PTPRQ: variants seen among roughly 807,000 people sequenced by gnomAD.
The protein encoded by PTPRQ is protein tyrosine phosphatase receptor type Q.
A neutral mutation model predicts 246.0 loss-of-function variants in PTPRQ; 199 were observed. That is an observed-to-expected ratio of 0.81 (90% CI 0.72 to 0.91). The LOEUF is 0.91. PTPRQ is among the 40% of genes least tolerant of loss of function. The pLI is 0.00. For synonymous variants in PTPRQ, 869 were observed against 853.2 expected (o/e 1.02, Z -0.32); for missense variants, 2,624 against 2,528.4 (o/e 1.04, Z -0.81).
chr12:80,519,807 T>TC (rs1008778129), intron 17 of PTPRQ, among the ~76,000 whole-genome samples: 1 of 152,124 alleles, frequency 6.6e-6, no homozygotes, highest in African/African-American at 2.4e-5. Flanking sequence ...CCAGAACCAG[T>TC]CCATGGTCAG....
At chr12:80,586,489 G>A (rs939795834) in intron 25 of PTPRQ, 10 of 151,716 alleles carry the variant, frequency 6.6e-5, no homozygotes, top group Admixed American at 3.3e-4. Context: ...TCAGTGTGGC[G>A]ATTCCTCAGG....
At chr12:80,469,982 G>C in intron 7 of PTPRQ, among the ~76,000 whole-genome samples, 1 of 152,210 alleles carries the variant, frequency 6.6e-6, no homozygotes, top group East Asian at 1.9e-4. Flanking sequence ...AATGGGAGAA[G>C]ATCATTGGAA....
chr12:80,673,357 G>C, intron 43 of PTPRQ, 53 bp downstream of exon 43: 1 of 1,516,994 alleles, frequency 6.6e-7, no homozygotes, highest in Middle Eastern at 1.7e-4. Context: ...TTCCACATGG[G>C]AGATCTTAGT....
At chr12:80,638,264 C>T (rs1244364370) in intron 35 of PTPRQ, among the ~76,000 whole-genome samples, 4 of 128,348 alleles carry the variant, frequency 3.1e-5, no homozygotes, top group Non-Finnish European at 4.5e-5. Flanking sequence ...AGTGAAACTC[C>T]GTTAAAAAAA....
At chr12:80,532,514 C>A (rs1054103450) in intron 17 of PTPRQ, among the ~76,000 whole-genome samples, 25 of 152,148 alleles carry the variant, frequency 1.6e-4, no homozygotes, top group Middle Eastern at 3.2e-3. Context: ...AGCCACCACA[C>A]TCGTCTTAAT....
intron 29 of PTPRQ, among the ~76,000 whole-genome samples, chr12:80,614,865 T>C (rs1374194063): frequency 6.6e-6 from 1 of 150,980 alleles, no homozygotes; most frequent in Non-Finnish European, 1.5e-5. Flanking sequence ...TAGTGAATGG[T>C]ACATATATTT....
intron 28 of PTPRQ, 130 bp downstream of exon 28, chr12:80,610,755 G>T: frequency 1.8e-6 from 2 of 1,095,112 alleles, no homozygotes; most frequent in East Asian, 2.7e-5. Context: ...AAAAAAATTA[G>T]TGACTCTCTG....
chr12:80,519,375 C>A (rs1249855482), intron 17 of PTPRQ, among the ~76,000 whole-genome samples: 1 of 152,102 alleles, frequency 6.6e-6, no homozygotes, highest in Admixed American at 6.5e-5. Context: ...TCTCAGAAAG[C>A]TGAAGGAACT....
chr12:80,554,643 A>C (rs1392823583), intron 25 of PTPRQ, among the ~76,000 whole-genome samples: 2 of 152,202 alleles, frequency 1.3e-5, no homozygotes, highest in African/African-American at 4.8e-5. Flanking sequence ...GGAAGATATC[A>C]GGCATATGCA....
At chr12:80,524,121 G>A (rs539186544) in intron 17 of PTPRQ, among the ~76,000 whole-genome samples, 4 of 152,060 alleles carry the variant, frequency 2.6e-5, no homozygotes, top group Non-Finnish European at 5.9e-5. Flanking sequence ...TTATGTAATG[G>A]CCTTCTTTGT....
At chr12:80,609,789 A>C (rs1295122780) in intron 27 of PTPRQ, among the ~76,000 whole-genome samples, 5 of 150,578 alleles carry the variant, frequency 3.3e-5, no homozygotes, top group African/African-American at 7.3e-5. Flanking sequence ...AAAATATCAA[A>C]GTGTACTTCA....
At chr12:80,515,008 G>A (rs867001430) in intron 17 of PTPRQ, among the ~76,000 whole-genome samples, 18 of 151,226 alleles carry the variant, frequency 1.2e-4, no homozygotes, top group African/African-American at 4.1e-4. Context: ...CTTGCTGGAA[G>A]CTTTATGCTT....
intron 25 of PTPRQ, among the ~76,000 whole-genome samples, chr12:80,565,082 G>A (rs1436487402): frequency 6.6e-6 from 1 of 152,040 alleles, no homozygotes; most frequent in Non-Finnish European, 1.5e-5. Context: ...AAAATACTGA[G>A]GCCATTATGG....
At chr12:80,642,936 A>AAAAAAAC (rs1899934707) in intron 35 of PTPRQ, among the ~76,000 whole-genome samples, 4 of 148,266 alleles carry the variant, frequency 2.7e-5, no homozygotes, top group African/African-American at 1.0e-4. Flanking sequence ...AAAAAAAAAA[A>AAAAAAAC]AAAAAAAAAA....
chr12:80,483,783 G>A (rs1329123629), intron 8 of PTPRQ, among the ~76,000 whole-genome samples: 4 of 151,466 alleles, frequency 2.6e-5, no homozygotes, highest in African/African-American at 9.7e-5. Context: ...CTCTCCCTGT[G>A]TCCATGTGTT....
chr12:80,545,791 T>C (rs1053963891), intron 23 of PTPRQ, among the ~76,000 whole-genome samples: 5 of 148,880 alleles, frequency 3.4e-5, no homozygotes, highest in Admixed American at 6.7e-5. Flanking sequence ...ATAATGTTAT[T>C]ATTATTTATT....
chr12:80,656,774 T>C (rs918677008), intron 38 of PTPRQ, among the ~76,000 whole-genome samples: 6 of 151,794 alleles, frequency 4.0e-5, no homozygotes, highest in Middle Eastern at 3.4e-3. Flanking sequence ...CAAAGTGGTG[T>C]TCCAAATCAG....
At chr12:80,480,253 C>A (rs1419222428) in intron 8 of PTPRQ, among the ~76,000 whole-genome samples, 1 of 152,142 alleles carries the variant, frequency 6.6e-6, no homozygotes, top group Non-Finnish European at 1.5e-5. Flanking sequence ...GGAAACTGAA[C>A]AACCTGCTCC....
rs552667526 is a variant in PTPRQ, at chr12:80,514,402, A to ACACACACACACACACTCTCTCTCT, written c.2678+3960_2678+3961insACACACACACACACTCTCTCTCTC. Among the ~76,000 whole-genome samples, 35 of 112,980 alleles carry ACACACACACACACACTCTCTCTCT rather than the reference A, an allele frequency of 3.1e-4. 1 individual carries two copies. The highest frequency in any genetic ancestry group is 5.2e-4 in the Non-Finnish European group (29 of 56,262). 74.1% of individuals were successfully genotyped at this position (112,980 alleles called of 152,430 possible). A position where few individuals can be genotyped will look rare whatever the true frequency, so the allele number is the denominator to read the frequency against. On this transcript the variant is annotated intron_variant, in intron 17 of 44. Transcript: ENST00000644991. ...CACACACACACACACACACACACAC[A>ACACACACACACACACTCTCTCTCT]CTCTCTCTCTCTCTCTCTGCTTTAA...
Sources: gnomAD v4.1 joint callset for allele counts (sites outside exome capture counted in the v4.1 genomes callset) on GRCh38, gnomAD v4.1.1 for gene constraint, MANE v1.5 for transcripts, NCBI Gene and HGNC (gene_info 2026-07-23, HGNC 2026-07-21) for gene names.